The following SLC66A2 variants were observed in gnomAD, a reference collection of about 807,000 sequenced individuals.
SLC66A2 encodes solute carrier family 66 member 2.
Under a neutral mutation model 25.5 loss-of-function variants are expected in SLC66A2, and 23 were observed. The ratio of observed to expected loss-of-function variants is 0.90; its 90% confidence interval spans 0.65 to 1.28. SLC66A2 has a LOEUF of 1.28. Ranked by LOEUF, SLC66A2 falls within the 50% of genes most tolerant of loss-of-function variation. The pLI, the probability that SLC66A2 is intolerant of heterozygous loss-of-function variation, is 0.00. For synonymous variants in SLC66A2, 193 were observed against 166.5 expected, an observed-to-expected ratio of 1.16 and a Z score of -1.23; for missense variants, 396 against 373.1, an observed-to-expected ratio of 1.06 and a Z score of -0.51.
At position 79,902,619 on chromosome 18, in the gene SLC66A2, T is replaced by G. The variant is rs956147541; in HGVS notation, c.*1357A>C. 3 of 152,266 alleles carry G rather than the reference T, an allele frequency of 2.0e-5. No individual in the cohort carries two copies. Among genetic ancestry groups the G allele is most frequent in the Admixed American group, 1.3e-4 (2 of 15,276 alleles). The allele number at this position is 152,266 out of a possible 1,614,324, so 9.4% of individuals were successfully genotyped here. On this transcript the variant is annotated 3_prime_UTR_variant, in exon 6 of 6. Transcript: ENST00000397778. ...GGACCCTCACTCAGACATTCAAGAGTGTTTCCGAGGAAAACTCGAGGAGGA... is the reference window on the plus strand; with the variant it reads ...GGACCCTCACTCAGACATTCAAGAGGGTTTCCGAGGAAAACTCGAGGAGGA...
At chr18:79,942,831 G>A (rs1327116680) in intron 3 of SLC66A2, among the ~76,000 whole-genome samples, 3 of 152,244 alleles carry the variant, frequency 2.0e-5, no homozygotes, top group African/African-American at 7.2e-5. Flanking sequence ...ACACTGCAGT[G>A]TGCTCCGCAT....
intron 4 of SLC66A2, among the ~76,000 whole-genome samples, chr18:79,933,291 C>T (rs753571516): frequency 1.3e-5 from 2 of 152,166 alleles, no homozygotes; most frequent in African/African-American, 2.4e-5. Flanking sequence ...CTGCCTTAAC[C>T]TAATGAAGGG....
Position 79,929,734 on chromosome 18 carries a change from G to C in SLC66A2, c.391+4235C>G, listed in dbSNP as rs182685846. ...TATGATGACAACAACTGATCACATA[G>C]AGGTTATCAATAAAGAGACAGAAAT... On this transcript the variant is annotated intron_variant, in intron 4 of 5. Coordinates refer to ENST00000397778, the MANE Select transcript of SLC66A2 (RefSeq NM_025078.5). 1.1e-4 allele frequency among the ~76,000 whole-genome samples: 17 copies of C among 152,142 alleles called. No individual in the cohort carries two copies. In the East Asian group the frequency reaches 3.3e-3, roughly 29 times the overall value.
rs905963327 is a variant in SLC66A2, at chr18:79,927,468, C to T, written c.391+6501G>A. Among the ~76,000 whole-genome samples the T allele has an allele frequency of 9.2e-5, 14 of 152,354 alleles. No homozygotes were observed. Among genetic ancestry groups the T allele is most frequent in the Middle Eastern group, 3.4e-3 (1 of 294 alleles). On this transcript the variant is annotated intron_variant, in intron 4 of 5. Transcript: ENST00000397778. The surrounding 1 kb of genome is among the most constrained non-coding windows in gnomAD (Gnocchi z 6.2). Reference sequence around the variant, plus strand: ...GGACGCAAAAGGATTTTAACAAAGACGGCCACACCACCTGCTGCAGAATGA... The same window carrying T: ...GGACGCAAAAGGATTTTAACAAAGATGGCCACACCACCTGCTGCAGAATGA...
At chr18:79,936,103 T>C (rs141427903) in intron 3 of SLC66A2, among the ~76,000 whole-genome samples, 146 of 152,372 alleles carry the variant, frequency 9.6e-4, no homozygotes, top group Non-Finnish European at 1.9e-3. Context: ...CTTTGGTCCA[T>C]GTCACGACTG....
chr18:79,924,571 A>C (rs1370170856), intron 4 of SLC66A2, among the ~76,000 whole-genome samples: 1 of 152,182 alleles, frequency 6.6e-6, no homozygotes, highest in African/African-American at 2.4e-5. Flanking sequence ...ATGGTGATAA[A>C]ATTGTGAATT....
At chr18:79,919,078 G>A (rs942875519) in intron 5 of SLC66A2, 106 bp downstream of exon 5, 17 of 1,034,882 alleles carry the variant, frequency 1.6e-5, no homozygotes, top group African/African-American at 3.2e-5. Context: ...ACAGGTCAAC[G>A]TGGGAAATAC....
Position 79,950,806 on chromosome 18 carries a change from G to GA in SLC66A2, c.120dup (p.Arg41SerfsTer34), listed in dbSNP as rs1568346540. The stretch of plus-strand genomic sequence containing the variant: ...AAGCCGTCGGCGTTCTGCGTCCTGC[G>GA]AATGTCCCGATACTGCGGGACGTAG... On this transcript the variant is annotated frameshift_variant, in exon 2 of 6. Transcript: ENST00000397778. LOFTEE classifies it high-confidence loss of function. 6.2e-7 allele frequency: 1 copy of GA among 1,613,094 alleles called. No individual in the cohort carries two copies. The highest frequency in any genetic ancestry group is 1.1e-5 in the South Asian group (1 of 91,084).
chr18:79,916,185 C>CGT (rs1984083482), intron 5 of SLC66A2, among the ~76,000 whole-genome samples: 1 of 50,202 alleles, frequency 2.0e-5, no homozygotes, highest in African/African-American at 5.1e-5. Flanking sequence ...CGTACCCTCC[C>CGT]ATACCCACGG....
At position 79,903,709 on chromosome 18, in the gene SLC66A2, A is replaced by C; in HGVS notation, c.*267T>G. 1 of 493,694 alleles carries C rather than the reference A, an allele frequency of 2.0e-6. No individual in the cohort carries two copies. The highest frequency in any genetic ancestry group is 3.5e-6 in the Non-Finnish European group (1 of 282,502). The allele number at this position is 493,694 out of a possible 1,614,324, so 30.6% of individuals were successfully genotyped here. On this transcript the variant is annotated 3_prime_UTR_variant, in exon 6 of 6. Coordinates refer to ENST00000397778, the MANE Select transcript of SLC66A2 (RefSeq NM_025078.5). ...GGTGTTTCATAAGAGGAAATGGGGA[A>C]AACACTTGCTTTTTATGTCATCCTA...
intron 2 of SLC66A2, among the ~76,000 whole-genome samples, chr18:79,950,378 A>G (rs1167083348): frequency 3.9e-5 from 6 of 152,150 alleles, no homozygotes; most frequent in African/African-American, 1.4e-4. Flanking sequence ...AAGAAAAACT[A>G]TACAACATGA....
intron 4 of SLC66A2, among the ~76,000 whole-genome samples, chr18:79,929,781 G>A (rs1986379309): frequency 6.6e-6 from 1 of 152,066 alleles, no homozygotes; most frequent in Admixed American, 6.5e-5. Context: ...AGAACCAAGT[G>A]GAAATTCTGG....
In SLC66A2 at chr18:79,919,237, C is replaced by T. The variant is rs751376316; in HGVS notation, c.555G>A (p.Leu185=). The change falls in exon 5 of 6, where the codon CTG becomes CTA. Residue 185 remains leucine, a synonymous_variant. Coordinates refer to ENST00000397778, the MANE Select transcript of SLC66A2 (RefSeq NM_025078.5). ...GFLAVLTEAM[L]GVPQLYRNHR... The stretch of plus-strand genomic sequence containing the variant: ...GGTTGCGGTAAAGCTGGGGCACACC[C>T]AGCATGGCTTCGGTCAGCACAGCCA... The T allele has an allele frequency of 1.9e-6, 3 of 1,613,132 alleles. No individual in the cohort carries two copies. The highest frequency in any genetic ancestry group is 2.5e-6 in the Non-Finnish European group (3 of 1,180,030).
intron 5 of SLC66A2, among the ~76,000 whole-genome samples, chr18:79,909,987 C>T (rs1379647351): frequency 7.0e-6 from 1 of 142,454 alleles, no homozygotes; most frequent in Non-Finnish European, 1.5e-5. Context: ...TCCCTACAAC[C>T]TCACCAGAGT....
chr18:79,923,423 T>G (rs1457714391), intron 4 of SLC66A2, among the ~76,000 whole-genome samples: 1 of 151,712 alleles, frequency 6.6e-6, no homozygotes, highest in East Asian at 1.9e-4. Flanking sequence ...CAGGTGAGGG[T>G]TTAAGAGACT....
At chr18:79,931,903 G>C (rs1030646791) in intron 4 of SLC66A2, among the ~76,000 whole-genome samples, 3 of 152,156 alleles carry the variant, frequency 2.0e-5, no homozygotes, top group African/African-American at 7.2e-5. Flanking sequence ...TATAGTCCCA[G>C]CTACTTGGGA....
chr18:79,945,875 G>T (rs1422294888), intron 2 of SLC66A2, among the ~76,000 whole-genome samples: 1 of 152,188 alleles, frequency 6.6e-6, no homozygotes, highest in Admixed American at 6.5e-5. Flanking sequence ...CCTGGGTGCC[G>T]GTCAACCCAC....
At chr18:79,928,570 G>A (rs183129309) in intron 4 of SLC66A2, among the ~76,000 whole-genome samples, 3 of 152,092 alleles carry the variant, frequency 2.0e-5, no homozygotes, top group Non-Finnish European at 2.9e-5. Context: ...AGGGACACAC[G>A]GCGAATGGAG....
intron 3 of SLC66A2, among the ~76,000 whole-genome samples, chr18:79,936,614 C>G (rs1204324330): frequency 6.6e-6 from 1 of 152,150 alleles, no homozygotes; most frequent in Non-Finnish European, 1.5e-5. Context: ...GACTTTGAGC[C>G]ACAGACAATT....
Sources: allele counts gnomAD v4.1 joint callset (sites outside exome capture counted in the v4.1 genomes callset), GRCh38; gene constraint gnomAD v4.1.1; non-coding constraint Gnocchi (gnomAD v3.1); transcripts MANE v1.5; gene names NCBI Gene and HGNC (gene_info 2026-07-23, HGNC 2026-07-21).